MTRF1: variants seen among roughly 807,000 people sequenced by gnomAD.
MTRF1 encodes mitochondrial translation release factor 1.
MTRF1 carries 51 observed loss-of-function variants against 62.9 expected under a neutral mutation model. That is an observed-to-expected ratio of 0.81 (90% CI 0.65 to 1.02). The LOEUF (loss-of-function observed/expected upper bound fraction) is 1.02, where lower values mean the gene tolerates loss of function less well. Among genes scored for constraint, MTRF1 ranks in the 50% least tolerant of loss-of-function variants. The probability of loss-of-function intolerance (pLI) is 0.00; values close to 1 mark genes in which losing one functional copy is unlikely to be tolerated. For synonymous variants in MTRF1, 158 were observed against 181.9 expected (o/e 0.87, Z 1.06); for missense variants, 446 against 530.0 (o/e 0.84, Z 1.56).
intron 4 of MTRF1, 95 bp from the exon 5 acceptor site, chr13:41,252,847 A>C: frequency 7.2e-7 from 1 of 1,380,316 alleles, no homozygotes; most frequent in Non-Finnish European, 1.0e-6. Context: ...AACTATTTCC[A>C]AATTTAAATA....
the MTRF1 span, among the ~76,000 whole-genome samples, chr13:41,289,165 C>T: frequency 6.6e-6 from 1 of 151,656 alleles, no homozygotes; most frequent in Non-Finnish European, 1.5e-5. Context: ...GTGTTGTCTT[C>T]TCTTATTCTA....
intron 7 of MTRF1, among the ~76,000 whole-genome samples, chr13:41,228,133 A>G (rs2034802834): frequency 6.6e-6 from 1 of 151,802 alleles, no homozygotes; most frequent in South Asian, 2.1e-4. Flanking sequence ...TTAGATCAAA[A>G]CTATTACTTT....
At chr13:41,298,392 A>ATAGATCTGAATATTGTTTAAAT in the MTRF1 span, among the ~76,000 whole-genome samples, 43 of 150,818 alleles carry the variant, frequency 2.9e-4, no homozygotes, top group African/African-American at 1.0e-3. Context: ...CACTATTACG[A>ATAGATCTGAATATTGTTTAAAT]AGTTACACTC....
chr13:41,259,413 G>C (rs530686779), intron 2 of MTRF1, among the ~76,000 whole-genome samples: 1 of 152,222 alleles, frequency 6.6e-6, no homozygotes, highest in East Asian at 1.9e-4. Flanking sequence ...AAGAAATAAA[G>C]TACTGGCTGG....
intron 7 of MTRF1, among the ~76,000 whole-genome samples, chr13:41,232,257 A>C (rs1566086694): frequency 6.6e-6 from 1 of 152,116 alleles, no homozygotes; most frequent in Non-Finnish European, 1.5e-5. Context: ...TTCTGAGAAC[A>C]AGAAAGAGCT....
chr13:41,302,862 A>G, the MTRF1 span, among the ~76,000 whole-genome samples: 1 of 152,146 alleles, frequency 6.6e-6, no homozygotes, highest in Non-Finnish European at 1.5e-5. Flanking sequence ...ACTTGAGAAT[A>G]AGAAAGAGCA....
rs142682822 is a variant in MTRF1 at position 41,218,782 on chromosome 13, T to C, written c.1225-1554A>G. ...TGAACTAATCTTATAGTTAAGTCTT[T>C]CTTGAATGGTCTTAAAGTTGAACTT... On this transcript the variant is annotated intron_variant, in intron 9 of 9. Transcript: ENST00000379480. Among the ~76,000 whole-genome samples, 488 of 152,304 alleles carry C rather than the reference T, an allele frequency of 3.2e-3. 1 individual carries two copies. The highest frequency in any genetic ancestry group is 0.011 in the African/African-American group (446 of 41,566).
chr13:41,276,030 T>C, the MTRF1 span, among the ~76,000 whole-genome samples: 1 of 152,166 alleles, frequency 6.6e-6, no homozygotes, highest in Non-Finnish European at 1.5e-5. Context: ...CTACAACTTA[T>C]AGGAGTTGTA....
chr13:41,218,094 G>T (rs941678711), intron 9 of MTRF1, among the ~76,000 whole-genome samples: 1 of 151,964 alleles, frequency 6.6e-6, no homozygotes, highest in East Asian at 1.9e-4. Context: ...TTGAATCTAG[G>T]TATAGTCTAT....
intron 6 of MTRF1, chr13:41,234,982 T>C (rs996020285): frequency 2.0e-5 from 3 of 152,268 alleles, no homozygotes; most frequent in African/African-American, 7.2e-5. Context: ...GAGCCTCGTT[T>C]TCTCTTTTGT....
chr13:41,309,425 G>C, the MTRF1 span, among the ~76,000 whole-genome samples: 15 of 150,866 alleles, frequency 9.9e-5, no homozygotes, highest in Non-Finnish European at 2.2e-4. Flanking sequence ...CTGAGCTCAG[G>C]GTGATCCGCC....
At chr13:41,309,007 T>C in the MTRF1 span, among the ~76,000 whole-genome samples, 3 of 152,286 alleles carry the variant, frequency 2.0e-5, no homozygotes, top group South Asian at 2.1e-4. Flanking sequence ...TTAATTCATT[T>C]TGGATAATGG....
the MTRF1 span, among the ~76,000 whole-genome samples, chr13:41,285,628 CAGAG>C: frequency 6.6e-6 from 1 of 152,168 alleles, no homozygotes; most frequent in Non-Finnish European, 1.5e-5. Context: ...CTCTTTCAGA[CAGAG>C]AGTTACTGCT....
intron 6 of MTRF1, among the ~76,000 whole-genome samples, chr13:41,238,739 T>C (rs765568147): frequency 6.6e-6 from 1 of 152,222 alleles, no homozygotes; most frequent in Non-Finnish European, 1.5e-5. Context: ...GTGGTCACCA[T>C]CTTCACTAAC....
At chr13:41,217,839 C>A (rs986188295) in intron 9 of MTRF1, among the ~76,000 whole-genome samples, 2 of 152,194 alleles carry the variant, frequency 1.3e-5, no homozygotes, top group Non-Finnish European at 2.9e-5. Context: ...TTCTGCTAAT[C>A]CTCAAAGTTT....
the MTRF1 span, among the ~76,000 whole-genome samples, chr13:41,293,671 T>C: frequency 6.6e-6 from 1 of 152,210 alleles, no homozygotes; most frequent in Non-Finnish European, 1.5e-5. Context: ...AAGGAAATAA[T>C]TTGATACCAT....
the MTRF1 span, among the ~76,000 whole-genome samples, chr13:41,280,655 C>G: frequency 6.6e-6 from 1 of 152,146 alleles, no homozygotes; most frequent in South Asian, 2.1e-4. Context: ...TAAAACCAAG[C>G]TGTACCCTGA....
the MTRF1 span, among the ~76,000 whole-genome samples, chr13:41,273,084 T>C: frequency 6.6e-6 from 1 of 152,050 alleles, no homozygotes. Flanking sequence ...CCCAGGACTT[T>C]GGGAGGCCGA....
At chr13:41,258,241 C>T (rs2039980530) in intron 2 of MTRF1, among the ~76,000 whole-genome samples, 1 of 152,140 alleles carries the variant, frequency 6.6e-6, no homozygotes. Context: ...ACAGGTATAA[C>T]AGTGACTGGC....
Sources: allele counts gnomAD v4.1 joint callset (sites outside exome capture counted in the v4.1 genomes callset), GRCh38; gene constraint gnomAD v4.1.1; transcripts MANE v1.5; gene names NCBI Gene and HGNC (gene_info 2026-07-23, HGNC 2026-07-21).